Variants in NUCB1 observed in about 807,000 individuals in gnomAD.
The protein encoded by NUCB1 is nucleobindin 1.
In NUCB1, 47 loss-of-function variants were observed where a neutral mutation model predicts 61.2. That is an observed-to-expected ratio of 0.77 (90% CI 0.61 to 0.98). The LOEUF (loss-of-function observed/expected upper bound fraction) is 0.98. NUCB1 is among the 50% of genes least tolerant of loss of function. The probability of loss-of-function intolerance (pLI) is 0.00; values close to 1 mark genes in which losing one functional copy is unlikely to be tolerated. For missense variants in NUCB1, 583 were observed against 605.3 expected, an observed-to-expected ratio of 0.96 and a Z score of 0.39; for synonymous variants, 234 against 243.1, an observed-to-expected ratio of 0.96 and a Z score of 0.35.
chr19:48,919,541 G>A (rs2037584098), intron 10 of NUCB1, among the ~76,000 whole-genome samples: 1 of 151,376 alleles, frequency 6.6e-6, no homozygotes, highest in Non-Finnish European at 1.5e-5. Flanking sequence ...GCAGTGGCAC[G>A]ATCTCGGCTC....
chr19:48,910,859 TCA>T (rs1347247642), intron 4 of NUCB1: 27 of 256,476 alleles, frequency 1.1e-4, no homozygotes, highest in Non-Finnish European at 1.6e-4. Context: ...ACCCTTGTTG[TCA>T]GGATTTTGTG....
rs2037499851 is a variant in NUCB1 at position 48,913,262 on chromosome 19, A to G, written c.666+66A>G. ...CAGTTCAAACGCAAGACAAGAAAGC[A>G]GTTAAAGAACTACAATTCCCAGGGG... On this transcript the variant is annotated intron_variant, in intron 6 of 12. Coordinates refer to ENST00000405315, the MANE Select transcript of NUCB1 (RefSeq NM_006184.6). The G allele has an allele frequency of 3.3e-6, 5 of 1,505,478 alleles. No individual in the cohort carries two copies. In the South Asian group the frequency reaches 3.9e-5, roughly 12 times the overall value. 93.3% of individuals were successfully genotyped at this position (1,505,478 alleles called of 1,614,324 possible).
At chr19:48,921,700 A>C in intron 11 of NUCB1, 127 bp from the exon 12 acceptor site, 1 of 841,336 alleles carries the variant, frequency 1.2e-6, no homozygotes, top group Non-Finnish European at 2.0e-6. Context: ...ACTGAGGCCC[A>C]CGGAGAAGGG....
In NUCB1 at chr19:48,904,452, A is replaced by G; in HGVS notation, c.241A>G (p.Lys81Glu). ...GCAGGCTGCCAATGCGGAGGACATCAAGGTGCGGCTGGGGGAGTGGGGGCT... is the reference window on the plus strand; with the variant it reads ...GCAGGCTGCCAATGCGGAGGACATCGAGGTGCGGCTGGGGGAGTGGGGGCT... ...KLQAANAEDIKSGKLSRELDF... is the reference protein window; with the variant it reads ...KLQAANAEDIESGKLSRELDF... Residue 81 changes from lysine to glutamate, a missense_variant and splice_region_variant, in exon 3 of 13, where the codon AAG becomes GAG. Coordinates refer to ENST00000405315, the MANE Select transcript of NUCB1 (RefSeq NM_006184.6). 1 of 1,609,538 alleles carries G rather than the reference A, an allele frequency of 6.2e-7. No homozygotes were observed. The highest frequency in any genetic ancestry group is 8.5e-7 in the Non-Finnish European group (1 of 1,176,770).
chr19:48,906,297 A>T (rs2037412835), intron 4 of NUCB1, among the ~76,000 whole-genome samples: 1 of 151,492 alleles, frequency 6.6e-6, no homozygotes, highest in African/African-American at 2.4e-5. Context: ...CTAGCTGCTC[A>T]GGAGGCTAAG....
intron 7 of NUCB1, among the ~76,000 whole-genome samples, chr19:48,917,362 C>T (rs2037552516): frequency 6.6e-6 from 1 of 151,946 alleles, no homozygotes; most frequent in Non-Finnish European, 1.5e-5. Flanking sequence ...TTCCCTTTGT[C>T]ACCCAGGCTG....
Position 48,906,648 on chromosome 19 carries a change from G to C in NUCB1, c.376+763G>C, listed in dbSNP as rs1311639878. Among the ~76,000 whole-genome samples the C allele has an allele frequency of 3.9e-5, 6 of 151,968 alleles. No homozygotes were observed. In the South Asian group the frequency reaches 1.0e-3, roughly 26 times the overall value. Reference sequence around the variant, plus strand: ...CTGAGGTGGGAGGATCGTTGAGCCTGGGATGTCAAGGCTATAGTGAGCCAT... The same window carrying C: ...CTGAGGTGGGAGGATCGTTGAGCCTCGGATGTCAAGGCTATAGTGAGCCAT... On this transcript the variant is annotated intron_variant, in intron 4 of 12. Coordinates refer to ENST00000405315, the MANE Select transcript of NUCB1 (RefSeq NM_006184.6).
At chr19:48,909,253 T>A (rs540555523) in intron 4 of NUCB1, among the ~76,000 whole-genome samples, 3,357 of 150,654 alleles carry the variant, frequency 0.022, 111 homozygotes, top group African/African-American at 0.074. Context: ...ATTATTATTT[T>A]TTTTTTTTTC....
chr19:48,922,146 GGGACCCCTGGGTGTGAGTGAGGA>G (rs2037617559), intron 12 of NUCB1, among the ~76,000 whole-genome samples, 149 bp from the exon 13 acceptor site: 2 of 144,296 alleles, frequency 1.4e-5, no homozygotes, highest in African/African-American at 5.6e-5. Flanking sequence ...AGGAGGGGCT[GGGACCCCTGGGTGTGAGTGAGGA>G]GGGGCTGGGG....
intron 2 of NUCB1, 57 bp from the exon 3 acceptor site, chr19:48,904,290 T>G: frequency 1.7e-6 from 2 of 1,148,002 alleles, no homozygotes; most frequent in Non-Finnish European, 2.6e-6. Flanking sequence ...GTAACAGGAG[T>G]GAGGGTGGGG....
At chr19:48,915,822 GT>G (rs1056812677) in intron 7 of NUCB1, among the ~76,000 whole-genome samples, 4 of 145,964 alleles carry the variant, frequency 2.7e-5, no homozygotes, top group South Asian at 4.4e-4. Context: ...GTTTTGTTTT[GT>G]TTTTTTTTTG....
intron 3 of NUCB1, 79 bp from the exon 4 acceptor site, chr19:48,905,674 C>T (rs1474521294): frequency 1.4e-5 from 21 of 1,538,530 alleles, no homozygotes; most frequent in Middle Eastern, 1.7e-4. Flanking sequence ...AAGACTGGGG[C>T]ATGAGAAAGC....
At chr19:48,903,849 G>A (rs2037381683) in intron 2 of NUCB1, among the ~76,000 whole-genome samples, 1 of 143,342 alleles carries the variant, frequency 7.0e-6, no homozygotes, top group Non-Finnish European at 1.5e-5. Context: ...TGGATGGATG[G>A]ATGGATGAGT....
chr19:48,921,049 G>T, intron 10 of NUCB1, 105 bp from the exon 11 acceptor site: 1 of 1,285,076 alleles, frequency 7.8e-7, no homozygotes, highest in African/African-American at 1.5e-5. Context: ...CATGGCCCTG[G>T]CCTCCCAGCC....
intron 4 of NUCB1, 131 bp downstream of exon 4, chr19:48,906,016 C>G (rs1280328240): frequency 1.2e-6 from 1 of 844,474 alleles, no homozygotes; most frequent in Non-Finnish European, 1.8e-6. Flanking sequence ...CTGAAATGTG[C>G]GTGGGAGATT....
At position 48,921,915 on chromosome 19, in the gene NUCB1, A is replaced by C; in HGVS notation, c.1262A>C (p.Lys421Thr). 6.2e-7 allele frequency: 1 copy of C among 1,603,800 alleles called. No individual in the cohort carries two copies. Among genetic ancestry groups the C allele is most frequent in the Non-Finnish European group, 8.5e-7 (1 of 1,175,698 alleles). Residue 421 changes from lysine (K) to threonine (T), a missense_variant, in exon 12 of 13, where the codon AAG becomes ACG. Transcript: ENST00000405315. ...GCTGCCCACCCTGAGGGGCAGCTCA[A>C]GTTCCACCCAGACACAGGTGCTGGC... is the stretch of plus-strand genomic sequence containing the variant. ...APAAHPEGQL[K>T]FHPDTDDVPV...
chr19:48,903,030 A>T (rs2037369042), intron 2 of NUCB1, among the ~76,000 whole-genome samples: 1 of 149,054 alleles, frequency 6.7e-6, no homozygotes, highest in South Asian at 2.1e-4. Context: ...GCAGCCTTGA[A>T]CTCCTGGGCT....
intron 7 of NUCB1, among the ~76,000 whole-genome samples, chr19:48,917,753 C>A (rs947325961): frequency 6.6e-6 from 1 of 151,878 alleles, no homozygotes; most frequent in Non-Finnish European, 1.5e-5. Context: ...GCCTCGGCCT[C>A]CCAAAGTGCT....
intron 2 of NUCB1, among the ~76,000 whole-genome samples, chr19:48,903,772 GGATGGATGGATGGATA>G (rs1234249522): frequency 6.7e-6 from 1 of 148,930 alleles, no homozygotes; most frequent in Non-Finnish European, 1.5e-5. Context: ...GTGGATGAGT[GGATGGATGGATGGATA>G]GATGGATGGA....
Sources: gnomAD v4.1 joint callset for allele counts (sites outside exome capture counted in the v4.1 genomes callset) on GRCh38, gnomAD v4.1.1 for gene constraint, MANE v1.5 for transcripts, NCBI Gene and HGNC (gene_info 2026-07-23, HGNC 2026-07-21) for gene names.